EIF4G3: variants seen among roughly 807,000 people sequenced by gnomAD.
The protein encoded by EIF4G3 is eIF-4-gamma 3.
EIF4G3 carries 34 observed loss-of-function variants against 186.4 expected under a neutral mutation model. The ratio of observed to expected loss-of-function variants is 0.18; its 90% confidence interval spans 0.14 to 0.24. The LOEUF is 0.24. Ranked by LOEUF, EIF4G3 falls within the 10% of genes least tolerant of loss-of-function variation. The pLI is 1.00. For missense variants in EIF4G3, 1,536 were observed against 1,948.5 expected, an observed-to-expected ratio of 0.79 and a Z score of 3.99; for synonymous variants, 673 against 679.5, an observed-to-expected ratio of 0.99 and a Z score of 0.15.
At chr1:20,940,367 T>G (rs888313256) in intron 14 of EIF4G3, among the ~76,000 whole-genome samples, 8 of 152,226 alleles carry the variant, frequency 5.3e-5, no homozygotes, top group African/African-American at 1.9e-4. Context: ...TGCTGGCTCA[T>G]GGTGTTCTAC....
chr1:20,947,457 A>C (rs1011385171), intron 13 of EIF4G3, among the ~76,000 whole-genome samples: 3 of 151,934 alleles, frequency 2.0e-5, no homozygotes, highest in East Asian at 1.9e-4. Flanking sequence ...AAAAAAAAAA[A>C]CTCTGAAAAC....
At chr1:20,807,755 GTTTTTTTTT>G (rs67864326) in intron 36 of EIF4G3, among the ~76,000 whole-genome samples, 6 of 63,868 alleles carry the variant, frequency 9.4e-5, no homozygotes, top group South Asian at 9.0e-4. Context: ...CTTTTTTTCT[GTTTTTTTTT>G]TTTTTTTTTT....
chr1:21,167,619 G>T (rs1302528460), intron 2 of EIF4G3, among the ~76,000 whole-genome samples: 2 of 152,302 alleles, frequency 1.3e-5, no homozygotes, highest in Middle Eastern at 3.4e-3. Flanking sequence ...TTAGCCAGGC[G>T]TGGTGCCGGG....
At chr1:20,826,547 T>G (rs1381606724) in intron 32 of EIF4G3, among the ~76,000 whole-genome samples, 1 of 124,334 alleles carries the variant, frequency 8.0e-6, no homozygotes, top group Non-Finnish European at 1.6e-5. Context: ...TGGAGCGCAG[T>G]GGCATGATCT....
chr1:20,941,210 A>C (rs1004493499), intron 14 of EIF4G3: 8 of 1,516,382 alleles, frequency 5.3e-6, no homozygotes, highest in Non-Finnish European at 6.2e-6. Context: ...TGAATGAGGC[A>C]ATAGCAACAA....
At chr1:21,092,123 T>A (rs578221130) in intron 2 of EIF4G3, among the ~76,000 whole-genome samples, 190 of 152,278 alleles carry the variant, frequency 1.2e-3, no homozygotes, top group African/African-American at 4.4e-3. Context: ...ATATTGGCTG[T>A]GGGTTTGTCA....
chr1:20,867,822 A>G (rs1438219727), intron 20 of EIF4G3, among the ~76,000 whole-genome samples: 1 of 152,262 alleles, frequency 6.6e-6, no homozygotes, highest in Non-Finnish European at 1.5e-5. Flanking sequence ...GGAATTTCAC[A>G]TGAATTGGGG....
intron 3 of EIF4G3, among the ~76,000 whole-genome samples, chr1:21,076,935 G>T (rs1283293949): frequency 6.6e-6 from 1 of 152,126 alleles, no homozygotes; most frequent in Non-Finnish European, 1.5e-5. Context: ...CAAAACTAGA[G>T]AAGTGGGATT....
At chr1:21,159,952 A>T (rs10799686) in intron 2 of EIF4G3, among the ~76,000 whole-genome samples, 90,617 of 151,870 alleles carry the variant, frequency 0.6, 27,340 homozygotes, top group East Asian at 0.76. Context: ...CAAAAATACA[A>T]AAAGTTAGCC....
intron 17 of EIF4G3, among the ~76,000 whole-genome samples, chr1:20,894,181 T>G (rs6704421): frequency 0.52 from 79,388 of 151,918 alleles, 21,426 homozygotes; most frequent in East Asian, 0.83. Context: ...GATATCTGAC[T>G]TTGAATAAGC....
chr1:20,941,716 AAGCTGGAGG>A lies in EIF4G3; in HGVS notation c.1429_1437del (p.Pro477_Ala479del), dbSNP rs1304265381. Reference sequence around the variant, plus strand: ...ACAATGACTGGAGTGTGAGGAGGAGAAGCTGGAGGAGTTGGAGGAGTTGGAGGAAAGGAA... The same window carrying A: ...ACAATGACTGGAGTGTGAGGAGGAGAAGTTGGAGGAGTTGGAGGAAAGGAA... On this transcript the variant is annotated inframe_deletion, in exon 14 of 37. Coordinates refer to ENST00000602326, the MANE Select transcript of EIF4G3 (RefSeq NM_001391906.1). The A allele has an allele frequency of 1.2e-6, 2 of 1,611,584 alleles. No individual in the cohort carries two copies. The highest frequency in any genetic ancestry group is 1.7e-6 in the Non-Finnish European group (2 of 1,178,900).
At chr1:21,120,617 C>T (rs2102347747) in intron 2 of EIF4G3, among the ~76,000 whole-genome samples, 1 of 130,958 alleles carries the variant, frequency 7.6e-6, no homozygotes, top group Admixed American at 7.8e-5. Flanking sequence ...GAGACTCCAT[C>T]TCAAAAAAAA....
rs1319992312 is a variant in EIF4G3 at position 20,814,752 on chromosome 1, C to CCTCT, written c.4516-1514_4516-1513insAGAG. 1.8e-3 allele frequency among the ~76,000 whole-genome samples: 25 copies of CCTCT among 14,238 alleles called. 1 individual carries two copies. Among genetic ancestry groups the CCTCT allele is most frequent in the African/African-American group, 9.2e-3 (23 of 2,510 alleles). The allele number at this position is 14,238 out of a possible 152,430, so 9.3% of individuals were successfully genotyped here. On this transcript the variant is annotated intron_variant, in intron 34 of 36. Transcript: ENST00000602326. Reference sequence around the variant, plus strand: ...TTAATTAAGGTTAAAAATTCATCTCCCCCTCCCCCTCCCCCTCCCCCTCCC... The same window carrying CCTCT: ...TTAATTAAGGTTAAAAATTCATCTCCCTCTCCCTCCCCCTCCCCCTCCCCCTCCC...
rs753720688 is a variant in EIF4G3 at position 20,941,961 on chromosome 1, A to G, written c.1193T>C (p.Val398Ala). 9 of 1,614,066 alleles carry G rather than the reference A, an allele frequency of 5.6e-6. No individual in the cohort carries two copies. In the African/African-American group the frequency reaches 1.2e-4, roughly 22 times the overall value. The change falls in exon 14 of 37, where the codon GTA becomes GCA. Residue 398 changes from valine to alanine, a missense_variant. Val to Ala is a moderately conservative substitution (Grantham distance 64). This residue lies in a region of EIF4G3 where 560 missense variants were observed against 547.8 expected (regional missense o/e 1.02). Transcript: ENST00000602326. ...DDDICKKPCS[V>A]APNDIPLVSS... Reference sequence around the variant, plus strand: ...AACCAGTGGAATATCATTAGGTGCTACACTACAGGGTTTCTTGCATATATC... The same window carrying G: ...AACCAGTGGAATATCATTAGGTGCTGCACTACAGGGTTTCTTGCATATATC...
intron 14 of EIF4G3, among the ~76,000 whole-genome samples, chr1:20,918,298 T>C (rs1179453581): frequency 1.3e-5 from 2 of 152,122 alleles, no homozygotes; most frequent in Non-Finnish European, 2.9e-5. Flanking sequence ...CACTCTTGAA[T>C]TACCGGGTTC....
intron 20 of EIF4G3, among the ~76,000 whole-genome samples, chr1:20,878,218 G>A (rs2081388863): frequency 1.3e-5 from 2 of 152,062 alleles, no homozygotes; most frequent in South Asian, 4.2e-4. Context: ...TGACTCCAAA[G>A]CCACACTTAC....
Position 21,055,287 on chromosome 1 carries a change from G to C in EIF4G3, c.-195-4293C>G, listed in dbSNP as rs1051702130. ...TTTAACACGGGAAAAATTCTGTACA[G>C]TGAAATAAAGTGAAAATAAAAAGAG... On this transcript the variant is annotated intron_variant, in intron 3 of 36. Transcript: ENST00000602326. Among the ~76,000 whole-genome samples the C allele has an allele frequency of 5.3e-5, 8 of 152,108 alleles. No individual in the cohort carries two copies. The East Asian group carries it at 1.5e-3, about 29-fold the overall frequency.
chr1:21,012,318 G>T (rs1175487560), intron 4 of EIF4G3, among the ~76,000 whole-genome samples: 1 of 152,102 alleles, frequency 6.6e-6, no homozygotes, highest in Admixed American at 6.5e-5. Flanking sequence ...AACCTCATGA[G>T]AAATTTTTTC....
chr1:21,142,462 G>A (rs953669764), intron 2 of EIF4G3, among the ~76,000 whole-genome samples: 3 of 152,076 alleles, frequency 2.0e-5, no homozygotes, highest in African/African-American at 7.2e-5. Context: ...AGTTGAGATC[G>A]TACAACCGTA....
Sources: gnomAD v4.1 joint callset for allele counts (sites outside exome capture counted in the v4.1 genomes callset) on GRCh38, gnomAD v4.1.1 for gene constraint, gnomAD v4.1.1 regional missense constraint, MANE v1.5 for transcripts, NCBI Gene and HGNC (gene_info 2026-07-23, HGNC 2026-07-21) for gene names.